Variants in MAP2K5 observed in about 807,000 individuals in gnomAD.
MAP2K5 encodes dual specificity mitogen-activated protein kinase kinase 5.
A neutral mutation model predicts 83.1 loss-of-function variants in MAP2K5; 49 were observed. That is an observed-to-expected ratio of 0.59 (90% confidence interval 0.47 to 0.75). The LOEUF is 0.75. Ranked by LOEUF, MAP2K5 falls within the 30% of genes least tolerant of loss-of-function variation. The pLI is 0.00. For missense variants in MAP2K5, 457 were observed against 557.5 expected, an observed-to-expected ratio of 0.82 and a Z score of 1.82; for synonymous variants, 202 against 191.8, an observed-to-expected ratio of 1.05 and a Z score of -0.44.
Position 67,559,904 on chromosome 15 carries a change from C to G in MAP2K5, c.185-3379C>G, listed in dbSNP as rs2084701483. ...AAAAGCTCAAATTATTTTCTTGCTTCTTAGTACCACTACTTTCTAGTGTTG... is the reference window on the plus strand; with the variant it reads ...AAAAGCTCAAATTATTTTCTTGCTTGTTAGTACCACTACTTTCTAGTGTTG... On this transcript the variant is annotated intron_variant, in intron 2 of 21. Transcript: ENST00000178640. The surrounding 1 kb of genome is among the most constrained non-coding windows in gnomAD (Gnocchi z 4.7). Among the ~76,000 whole-genome samples, 1 of 152,166 alleles carries G rather than the reference C, an allele frequency of 6.6e-6. No individual in the cohort carries two copies. The highest frequency in any genetic ancestry group is 6.5e-5 in the Admixed American group (1 of 15,270).
rs777029611 is a variant in MAP2K5, at chr15:67,786,427, G to T, written c.1242+13675G>T. On this transcript the variant is annotated intron_variant, in intron 21 of 21. Coordinates refer to ENST00000178640, the MANE Select transcript of MAP2K5 (RefSeq NM_145160.3). The surrounding 1 kb of genome is among the most constrained non-coding windows in gnomAD (Gnocchi z 4.7). ...TTATTGTAAACCAGTTAATCAACAA[G>T]TATTTGTTGTCCAGGTCTGTGAGGT... Among the ~76,000 whole-genome samples the T allele has an allele frequency of 6.6e-6, 1 of 152,230 alleles. No homozygotes were observed. The highest frequency in any genetic ancestry group is 1.5e-5 in the Non-Finnish European group (1 of 68,042).
At chr15:67,679,132 A>G (rs2087751589) in intron 13 of MAP2K5, among the ~76,000 whole-genome samples, 1 of 151,966 alleles carries the variant, frequency 6.6e-6, no homozygotes, top group East Asian at 1.9e-4. Context: ...TCCCACCCTG[A>G]CCCCTGATTG....
At chr15:67,694,290 T>G (rs1401052921) in intron 15 of MAP2K5, among the ~76,000 whole-genome samples, 1 of 152,172 alleles carries the variant, frequency 6.6e-6, no homozygotes, top group African/African-American at 2.4e-5. Context: ...AGTATTAATT[T>G]TGGAGCAAAG....
At chr15:67,609,192 A>T (rs1032045866) in intron 8 of MAP2K5, among the ~76,000 whole-genome samples, 3 of 152,046 alleles carry the variant, frequency 2.0e-5, no homozygotes, top group Non-Finnish European at 2.9e-5. Flanking sequence ...TAAAAACCTT[A>T]TGTCAGGTGT....
intron 16 of MAP2K5, among the ~76,000 whole-genome samples, chr15:67,726,466 A>C (rs1875457466): frequency 6.6e-6 from 1 of 152,272 alleles, no homozygotes. Flanking sequence ...TTTAAATCCA[A>C]GATAAGGTGC....
At chr15:67,716,469 A>C (rs2088828999) in intron 16 of MAP2K5, among the ~76,000 whole-genome samples, 1 of 152,262 alleles carries the variant, frequency 6.6e-6, no homozygotes, top group Non-Finnish European at 1.5e-5. Flanking sequence ...TCAACACTAA[A>C]ATTCTGAGTC....
rs74023012 is a variant in MAP2K5, at chr15:67,577,460, T to C, written c.253-3294T>C. Among the ~76,000 whole-genome samples the C allele has an allele frequency of 6.6e-6, 1 of 152,180 alleles. No individual in the cohort carries two copies. Among genetic ancestry groups the C allele is most frequent in the Non-Finnish European group, 1.5e-5 (1 of 68,028 alleles). ...GATTATAGACCTGAAGATGAAGTTA[T>C]TTGGATAACTTGAAGTAATATTATG... On this transcript the variant is annotated intron_variant, in intron 3 of 21. Coordinates refer to ENST00000178640, the MANE Select transcript of MAP2K5 (RefSeq NM_145160.3). The surrounding 1 kb of genome is among the most constrained non-coding windows in gnomAD (Gnocchi z 4.1).
chr15:67,636,032 G>A lies in MAP2K5; in HGVS notation c.585+5105G>A, dbSNP rs1477475515. Among the ~76,000 whole-genome samples, 2 of 151,998 alleles carry A rather than the reference G, an allele frequency of 1.3e-5. No individual in the cohort carries two copies. The highest frequency in any genetic ancestry group is 4.8e-5 in the African/African-American group (2 of 41,384). ...TTGTCCAGGCTTGTCTTGAATTCAT[G>A]GGCTCAAGCAATCCACCCGCCTCCA... On this transcript the variant is annotated intron_variant, in intron 9 of 21. Coordinates refer to ENST00000178640, the MANE Select transcript of MAP2K5 (RefSeq NM_145160.3). The surrounding 1 kb of genome is among the most constrained non-coding windows in gnomAD (Gnocchi z 4.7).
chr15:67,626,679 G>A (rs1035630808), intron 8 of MAP2K5, among the ~76,000 whole-genome samples: 6 of 151,910 alleles, frequency 3.9e-5, no homozygotes, highest in Non-Finnish European at 5.9e-5. Flanking sequence ...TGGGAGGATC[G>A]CTTGAGGCTT....
At position 67,748,422 on chromosome 15, in the gene MAP2K5, CT is replaced by C; in HGVS notation, c.1102-146del. 2.4e-6 allele frequency: 2 copies of C among 825,724 alleles called. No homozygotes were observed. The highest frequency in any genetic ancestry group is 3.9e-6 in the Non-Finnish European group (2 of 510,086). 51.1% of individuals were successfully genotyped at this position (825,724 alleles called of 1,614,324 possible). ...TAGGTACCATTAGAAATAATAGAAC[CT>C]CCTGAGCATCAATGTTTTTATAAGA... On this transcript the variant is annotated intron_variant, in intron 18 of 21. Coordinates refer to ENST00000178640, the MANE Select transcript of MAP2K5 (RefSeq NM_145160.3). This position sits in a 1 kb window ranked among gnomAD's most constrained non-coding sequence, Gnocchi z 4.0.
In MAP2K5 at chr15:67,652,226, C is replaced by T. The variant is rs529768082; in HGVS notation, c.736+5757C>T. On this transcript the variant is annotated intron_variant, in intron 11 of 21. Coordinates refer to ENST00000178640, the MANE Select transcript of MAP2K5 (RefSeq NM_145160.3). This position sits in a 1 kb window ranked among gnomAD's most constrained non-coding sequence, Gnocchi z 4.2. ...AGGTTTTCGGGGTGTGTCATTAGTG[C>T]GTGTTTTTTTTAAATTATGATATAA... Among the ~76,000 whole-genome samples, 225 of 151,974 alleles carry T rather than the reference C, an allele frequency of 1.5e-3. No homozygotes were observed. Among genetic ancestry groups the T allele is most frequent in the African/African-American group, 5.3e-3 (219 of 41,418 alleles).
chr15:67,752,897 G>GAA (rs11314980), intron 19 of MAP2K5, among the ~76,000 whole-genome samples: 1 of 141,736 alleles, frequency 7.1e-6, no homozygotes, highest in Admixed American at 7.0e-5. Context: ...AACAATCATT[G>GAA]AAAAAAAAAA....
Position 67,543,618 on chromosome 15 carries a change from T to C in MAP2K5, c.135+148T>C. On this transcript the variant is annotated intron_variant, in intron 1 of 21. Coordinates refer to ENST00000178640, the MANE Select transcript of MAP2K5 (RefSeq NM_145160.3). The surrounding 1 kb of genome is among the most constrained non-coding windows in gnomAD (Gnocchi z 4.3). ...AGTTTTATTGCTTCAGGCACAGCAT[T>C]GATAAATTGCAACCACTAAAACCTG... 1.2e-6 allele frequency: 1 copy of C among 847,552 alleles called. No homozygotes were observed. Among genetic ancestry groups the C allele is most frequent in the East Asian group, 2.6e-5 (1 of 38,090 alleles). The allele number at this position is 847,552 out of a possible 1,614,324, so 52.5% of individuals were successfully genotyped here.
chr15:67,676,221 A>T lies in MAP2K5; in HGVS notation c.847+11576A>T, dbSNP rs997575085. On this transcript the variant is annotated intron_variant, in intron 13 of 21. Coordinates refer to ENST00000178640, the MANE Select transcript of MAP2K5 (RefSeq NM_145160.3). The surrounding 1 kb of genome is among the most constrained non-coding windows in gnomAD (Gnocchi z 4.8). ...TGAAGTTTAGGAGCTTATCAGAGGGAGAGAGAGAGCACCTGTATGATGAAT... is the reference window on the plus strand; with the variant it reads ...TGAAGTTTAGGAGCTTATCAGAGGGTGAGAGAGAGCACCTGTATGATGAAT... Among the ~76,000 whole-genome samples the T allele has an allele frequency of 6.6e-6, 1 of 152,170 alleles. No individual in the cohort carries two copies. Among genetic ancestry groups the T allele is most frequent in the Non-Finnish European group, 1.5e-5 (1 of 68,022 alleles).
chr15:67,684,973 C>CTAAG (rs2087917293), intron 13 of MAP2K5, among the ~76,000 whole-genome samples: 1 of 151,792 alleles, frequency 6.6e-6, no homozygotes, highest in South Asian at 2.1e-4. Context: ...ATCAAGAAGT[C>CTAAG]TAAGATATAT....
intron 1 of MAP2K5, among the ~76,000 whole-genome samples, chr15:67,549,663 A>C (rs1337283758): frequency 2.0e-5 from 3 of 152,228 alleles, no homozygotes; most frequent in African/African-American, 7.2e-5. Flanking sequence ...CCAGAGATTC[A>C]GACCTACGTC....
chr15:67,563,376 T>A lies in MAP2K5; in HGVS notation c.252+26T>A. On this transcript the variant is annotated intron_variant, in intron 3 of 21. Transcript: ENST00000178640. The surrounding 1 kb of genome is among the most constrained non-coding windows in gnomAD (Gnocchi z 4.5). ...GTAAGTATACGACAAATGAAGACTATTTTTTAAAATCTTAACGTGATTGAG... is the reference window on the plus strand; with the variant it reads ...GTAAGTATACGACAAATGAAGACTAATTTTTAAAATCTTAACGTGATTGAG... The A allele has an allele frequency of 6.3e-7, 1 of 1,597,930 alleles. No individual in the cohort carries two copies. The highest frequency in any genetic ancestry group is 8.5e-7 in the Non-Finnish European group (1 of 1,173,702).
At position 67,757,586 on chromosome 15, in the gene MAP2K5, C is replaced by T. The variant is rs2089864480; in HGVS notation, c.1134+8985C>T. Among the ~76,000 whole-genome samples, 1 of 152,064 alleles carries T rather than the reference C, an allele frequency of 6.6e-6. No individual in the cohort carries two copies. The highest frequency in any genetic ancestry group is 2.4e-5 in the African/African-American group (1 of 41,380). On this transcript the variant is annotated intron_variant, in intron 19 of 21. Coordinates refer to ENST00000178640, the MANE Select transcript of MAP2K5 (RefSeq NM_145160.3). The surrounding 1 kb of genome is among the most constrained non-coding windows in gnomAD (Gnocchi z 4.9). ...CCTGTGTTAATCCCAGAGCTCGGTACCGGGGATAGAGAATGAATAAGATGC... is the reference window on the plus strand; with the variant it reads ...CCTGTGTTAATCCCAGAGCTCGGTATCGGGGATAGAGAATGAATAAGATGC...
chr15:67,611,242 A>G (rs893585187), intron 8 of MAP2K5, among the ~76,000 whole-genome samples: 3 of 152,204 alleles, frequency 2.0e-5, no homozygotes, highest in African/African-American at 4.8e-5. Context: ...TATATAGCCA[A>G]TGAAACTTTA....
Sources: gnomAD v4.1 joint callset for allele counts (sites outside exome capture counted in the v4.1 genomes callset) on GRCh38, gnomAD v4.1.1 for gene constraint, Gnocchi (gnomAD v3.1) non-coding constraint, MANE v1.5 for transcripts, NCBI Gene and HGNC (gene_info 2026-07-23, HGNC 2026-07-21) for gene names.